The following SIK3 variants were observed in gnomAD, a reference collection of about 807,000 sequenced individuals.
The protein encoded by SIK3 is serine/threonine-protein kinase SIK3.
Under a neutral mutation model 144.2 loss-of-function variants are expected in SIK3, and 28 were observed. That is an observed-to-expected ratio of 0.19 (90% confidence interval 0.14 to 0.27). The LOEUF is 0.27. SIK3 is among the 10% of genes least tolerant of loss of function. The probability of loss-of-function intolerance (pLI) is 1.00; values close to 1 mark genes in which losing one functional copy is unlikely to be tolerated. For missense variants in SIK3, 1,319 were observed against 1,776.0 expected (o/e 0.74, Z 4.62); for synonymous variants, 686 against 676.3 (o/e 1.01, Z -0.22).
chr11:116,855,083 C>CA lies in SIK3; in HGVS notation c.3655+2726dup, dbSNP rs528405922. Among the ~76,000 whole-genome samples, 663 of 82,038 alleles carry CA rather than the reference C, an allele frequency of 8.1e-3. 34 individuals carry two copies. The highest frequency in any genetic ancestry group is 9.4e-3 in the Non-Finnish European group (456 of 48,352). 53.8% of individuals were successfully genotyped at this position (82,038 alleles called of 152,430 possible). A position where few individuals can be genotyped will look rare whatever the true frequency, so the allele number is the denominator to read the frequency against. On this transcript the variant is annotated intron_variant, in intron 21 of 24. Transcript: ENST00000445177. ...CATGGGTGACAGTGTGAGACTCTGC[C>CA]AAAAAAAAAAAAAAAAAAAAAAAAA...
intron 1 of SIK3, among the ~76,000 whole-genome samples, chr11:116,996,467 T>C (rs148352501): frequency 1.3e-5 from 2 of 152,246 alleles, no homozygotes; most frequent in East Asian, 3.9e-4. Flanking sequence ...CAATAATTTA[T>C]ATAAACTTGC....
intron 1 of SIK3, among the ~76,000 whole-genome samples, chr11:116,998,186 C>T (rs2135592867): frequency 6.6e-6 from 1 of 151,252 alleles, no homozygotes; most frequent in Non-Finnish European, 1.5e-5. Flanking sequence ...AAAAGCTATT[C>T]CAATATGCAA....
intron 1 of SIK3, among the ~76,000 whole-genome samples, chr11:117,056,938 G>C (rs1953562478): frequency 6.6e-6 from 1 of 152,154 alleles, no homozygotes; most frequent in African/African-American, 2.4e-5. Context: ...CCATTTAAAA[G>C]AAACAGGTCA....
At chr11:116,993,347 A>T (rs577423704) in intron 1 of SIK3, among the ~76,000 whole-genome samples, 44 of 152,248 alleles carry the variant, frequency 2.9e-4, no homozygotes, top group Non-Finnish European at 5.7e-4. Flanking sequence ...ACAACACCTT[A>T]CATTCCTAAA....
At chr11:117,047,442 G>A (rs950991040) in intron 1 of SIK3, among the ~76,000 whole-genome samples, 1 of 152,108 alleles carries the variant, frequency 6.6e-6, no homozygotes, top group Admixed American at 6.6e-5. Context: ...GGGAGGGTAG[G>A]GAAGGTGGAC....
intron 20 of SIK3, 36 bp downstream of exon 20, chr11:116,859,229 A>ACCCAG (rs777656649): frequency 1.1e-4 from 166 of 1,566,392 alleles, no homozygotes; most frequent in Non-Finnish European, 1.2e-4. Context: ...CCTGGATCCC[A>ACCCAG]TGCATAGATG....
intron 1 of SIK3, among the ~76,000 whole-genome samples, chr11:117,071,726 C>T (rs903807461): frequency 2.0e-5 from 3 of 151,828 alleles, no homozygotes; most frequent in African/African-American, 7.3e-5. Context: ...AAGCAATCCT[C>T]TCACTTTGCC....
At chr11:116,945,380 CTTTTTTTTTT>C (rs35915801) in intron 3 of SIK3, among the ~76,000 whole-genome samples, 7 of 95,406 alleles carry the variant, frequency 7.3e-5, no homozygotes, top group African/African-American at 2.9e-4. Flanking sequence ...TTCATGAATT[CTTTTTTTTTT>C]TTTTTTTTTT....
intron 1 of SIK3, among the ~76,000 whole-genome samples, chr11:117,075,536 ATT>A (rs148428202): frequency 4.9e-5 from 7 of 141,534 alleles, no homozygotes; most frequent in Non-Finnish European, 7.6e-5. Context: ...GTTATTGATT[ATT>A]TTTTTTTCTT....
chr11:116,853,457 G>A (rs1408809485), intron 21 of SIK3, among the ~76,000 whole-genome samples: 1 of 152,212 alleles, frequency 6.6e-6, no homozygotes, highest in Non-Finnish European at 1.5e-5. Flanking sequence ...TGGGATGATC[G>A]TCCGATCACA....
chr11:117,048,620 C>T (rs1953076251), intron 1 of SIK3, among the ~76,000 whole-genome samples: 1 of 152,074 alleles, frequency 6.6e-6, no homozygotes, highest in African/African-American at 2.4e-5. Context: ...CGGGCCATTG[C>T]ACTCCAGCCT....
intron 1 of SIK3, among the ~76,000 whole-genome samples, chr11:116,992,466 C>T (rs2135564191): frequency 6.6e-6 from 1 of 152,046 alleles, no homozygotes; most frequent in Admixed American, 6.6e-5. Flanking sequence ...ATTAAAAAAA[C>T]AAAATTACAT....
chr11:116,989,857 TA>T (rs1217575815), intron 1 of SIK3, among the ~76,000 whole-genome samples: 1 of 152,182 alleles, frequency 6.6e-6, no homozygotes, highest in Non-Finnish European at 1.5e-5. Context: ...CTTGAAAAGG[TA>T]ACTAAAAACA....
At chr11:117,098,054 C>T in intron 1 of SIK3, 89 bp downstream of exon 1, 1 of 1,179,096 alleles carries the variant, frequency 8.5e-7, no homozygotes, top group Non-Finnish European at 1.0e-6. Flanking sequence ...CCACGCGCCG[C>T]GCTCGCCGCC....
At chr11:116,899,119 T>A (rs1945597190) in intron 4 of SIK3, among the ~76,000 whole-genome samples, 1 of 152,208 alleles carries the variant, frequency 6.6e-6, no homozygotes, top group South Asian at 2.1e-4. Flanking sequence ...AAGGTTTAGG[T>A]CTTTAATCCA....
intron 1 of SIK3, among the ~76,000 whole-genome samples, chr11:116,966,430 C>A (rs1252201997): frequency 6.6e-6 from 1 of 152,048 alleles, no homozygotes; most frequent in Non-Finnish European, 1.5e-5. Context: ...AATAACAATA[C>A]AGGTTGAATA....
chr11:116,870,059 A>T (rs578171203), intron 14 of SIK3: 1 of 1,368,916 alleles, frequency 7.3e-7, no homozygotes, highest in Admixed American at 2.1e-5. Context: ...ATATGAAGGC[A>T]GGGGACAAGG....
At chr11:117,064,867 G>T (rs1953939462) in intron 1 of SIK3, among the ~76,000 whole-genome samples, 1 of 151,980 alleles carries the variant, frequency 6.6e-6, no homozygotes, top group Admixed American at 6.6e-5. Context: ...AAGTAACTTT[G>T]TCGGCCAGGC....
intron 1 of SIK3, among the ~76,000 whole-genome samples, chr11:117,065,596 A>G: frequency 7.6e-6 from 1 of 131,978 alleles, no homozygotes; most frequent in East Asian, 2.0e-4. Context: ...ACACAAATTT[A>G]GTATCTTCAA....
Sources: gnomAD v4.1 joint callset for allele counts (sites outside exome capture counted in the v4.1 genomes callset) on GRCh38, gnomAD v4.1.1 for gene constraint, MANE v1.5 for transcripts, NCBI Gene and HGNC (gene_info 2026-07-23, HGNC 2026-07-21) for gene names.